RALYL: variants seen among roughly 807,000 people sequenced by gnomAD.
RALYL encodes the protein RNA-binding Raly-like protein.
In RALYL, 29 loss-of-function variants were observed where a neutral mutation model predicts 35.1. The observed-to-expected ratio is 0.83, with a 90% CI of 0.61 to 1.13. The LOEUF (loss-of-function observed/expected upper bound fraction) is 1.13. Among genes scored for constraint, RALYL ranks in the 50% most tolerant of loss-of-function variants. RALYL has a pLI of 0.00. For missense variants in RALYL, 359 were observed against 360.4 expected, an observed-to-expected ratio of 1.00 and a Z score of 0.03; for synonymous variants, 120 against 127.6, an observed-to-expected ratio of 0.94 and a Z score of 0.40.
At chr8:84,517,533 C>T (rs2058155738) in intron 1 of RALYL, among the ~76,000 whole-genome samples, 1 of 152,142 alleles carries the variant, frequency 6.6e-6, no homozygotes, top group South Asian at 2.1e-4. Context: ...ATACTAGAGG[C>T]TGTGTCATAT....
intron 6 of RALYL, among the ~76,000 whole-genome samples, chr8:84,871,247 C>G (rs566943731): frequency 6.6e-6 from 1 of 152,228 alleles, no homozygotes; most frequent in Non-Finnish European, 1.5e-5. Context: ...CTTCTAAGTT[C>G]CAGCCAGATG....
Position 84,784,792 on chromosome 8 carries a change from A to G in RALYL, c.332+10138A>G, listed in dbSNP as rs141623557. On this transcript the variant is annotated intron_variant, in intron 3 of 8. Transcript: ENST00000521268. ...TTTCCATGTTTAGACAGAAGGCAAA[A>G]GGGAACACCACAAAGTCTCACTAGA... Among the ~76,000 whole-genome samples the G allele has an allele frequency of 2.0e-5, 3 of 152,302 alleles. No individual in the cohort carries two copies. The East Asian group carries it at 5.8e-4, about 29-fold the overall frequency.
intron 1 of RALYL, among the ~76,000 whole-genome samples, chr8:84,298,221 G>A (rs1840129761): frequency 6.6e-6 from 1 of 151,962 alleles, no homozygotes; most frequent in Non-Finnish European, 1.5e-5. Context: ...GATGGTGAAA[G>A]GAAAGGATAC....
intron 6 of RALYL, among the ~76,000 whole-genome samples, chr8:84,862,866 G>T (rs1313560836): frequency 6.6e-6 from 1 of 152,162 alleles, no homozygotes; most frequent in African/African-American, 2.4e-5. Flanking sequence ...GAGCAATTAA[G>T]AGAGGCAAAC....
intron 1 of RALYL, among the ~76,000 whole-genome samples, chr8:84,284,743 A>G (rs1377894236): frequency 1.3e-5 from 2 of 152,196 alleles, no homozygotes. Flanking sequence ...GTTAAAATTC[A>G]TTTGGCAGTG....
chr8:84,215,578 C>T (rs1820620633), intron 1 of RALYL, among the ~76,000 whole-genome samples: 1 of 150,630 alleles, frequency 6.6e-6, no homozygotes, highest in Admixed American at 6.6e-5. Flanking sequence ...TTAAATTGAC[C>T]TCCTCTGCAA....
At chr8:84,400,905 A>G (rs1479317415) in intron 1 of RALYL, among the ~76,000 whole-genome samples, 1 of 152,198 alleles carries the variant, frequency 6.6e-6, no homozygotes, top group Non-Finnish European at 1.5e-5. Context: ...TTTTGTTATG[A>G]ATGAATACAT....
intron 1 of RALYL, among the ~76,000 whole-genome samples, chr8:84,198,018 T>C (rs376145416): frequency 6.6e-6 from 1 of 152,162 alleles, no homozygotes; most frequent in African/African-American, 2.4e-5. Flanking sequence ...AAGTAGTTCC[T>C]CACTGATGTT....
intron 2 of RALYL, among the ~76,000 whole-genome samples, chr8:84,742,249 C>A (rs1240931428): frequency 6.6e-6 from 1 of 151,802 alleles, no homozygotes; most frequent in East Asian, 1.9e-4. Context: ...TATGTAATAG[C>A]AAAATTTTCT....
At chr8:84,696,409 C>T (rs1017715023) in intron 2 of RALYL, among the ~76,000 whole-genome samples, 1 of 151,688 alleles carries the variant, frequency 6.6e-6, no homozygotes, top group African/African-American at 2.4e-5. Flanking sequence ...ATCTTGGTTC[C>T]TTCTTTGTTA....
chr8:84,285,383 C>T (rs1837394232), intron 1 of RALYL, among the ~76,000 whole-genome samples: 3 of 152,238 alleles, frequency 2.0e-5, no homozygotes, highest in South Asian at 4.1e-4. Flanking sequence ...ATATAGAGGG[C>T]TAATTATTAG....
At chr8:84,284,839 A>G (rs1563667836) in intron 1 of RALYL, among the ~76,000 whole-genome samples, 1 of 152,222 alleles carries the variant, frequency 6.6e-6, no homozygotes, top group Non-Finnish European at 1.5e-5. Context: ...TAAAATATGT[A>G]CTTTGAATTA....
At chr8:84,446,271 A>C (rs1340360285) in intron 1 of RALYL, among the ~76,000 whole-genome samples, 2 of 152,056 alleles carry the variant, frequency 1.3e-5, no homozygotes, top group Admixed American at 1.3e-4. Context: ...GGGAATACCC[A>C]TAATGAGATC....
At chr8:84,634,382 G>A (rs1353794475) in intron 2 of RALYL, among the ~76,000 whole-genome samples, 2 of 151,782 alleles carry the variant, frequency 1.3e-5, no homozygotes, top group Non-Finnish European at 2.9e-5. Flanking sequence ...TTTCCATGAA[G>A]CTTTTTAGAA....
At chr8:84,712,753 A>AAATCACTTCAAAAAAT (rs1298854931) in intron 2 of RALYL, among the ~76,000 whole-genome samples, 2 of 152,210 alleles carry the variant, frequency 1.3e-5, no homozygotes, top group East Asian at 3.8e-4. Context: ...AAAATGTTAC[A>AAATCACTTCAAAAAAT]GTTAAAAAAT....
chr8:84,279,141 G>A (rs1158056762), intron 1 of RALYL, among the ~76,000 whole-genome samples: 1 of 152,258 alleles, frequency 6.6e-6, no homozygotes, highest in African/African-American at 2.4e-5. Flanking sequence ...GCATGTGCAG[G>A]GGAACTCCAT....
At chr8:84,395,583 AACATTTTGTTG>A (rs1861604473) in intron 1 of RALYL, among the ~76,000 whole-genome samples, 1 of 151,926 alleles carries the variant, frequency 6.6e-6, no homozygotes, top group African/African-American at 2.4e-5. Flanking sequence ...TCAAATCAAT[AACATTTTGTTG>A]TTTTCTATTA....
At chr8:84,478,921 C>CA (rs2053727855) in intron 1 of RALYL, among the ~76,000 whole-genome samples, 1 of 63,970 alleles carries the variant, frequency 1.6e-5, no homozygotes, top group Non-Finnish European at 3.9e-5. Context: ...CCCGTCTCTA[C>CA]TAAAAATACA....
At chr8:84,371,627 G>A (rs1855743669) in intron 1 of RALYL, among the ~76,000 whole-genome samples, 1 of 151,598 alleles carries the variant, frequency 6.6e-6, no homozygotes, top group Non-Finnish European at 1.5e-5. Context: ...ACTTAACTGA[G>A]TAGACTGAAT....
Sources: gnomAD v4.1 joint callset for allele counts (sites outside exome capture counted in the v4.1 genomes callset) on GRCh38, gnomAD v4.1.1 for gene constraint, MANE v1.5 for transcripts, NCBI Gene and HGNC (gene_info 2026-07-23, HGNC 2026-07-21) for gene names.